SNTB1: variants seen among roughly 807,000 people sequenced by gnomAD.
SNTB1 encodes the protein beta-1-syntrophin.
A neutral mutation model predicts 48.9 loss-of-function variants in SNTB1; 36 were observed. The ratio of observed to expected loss-of-function variants is 0.74; its 90% CI spans 0.56 to 0.97. The LOEUF (loss-of-function observed/expected upper bound fraction) is 0.97. Among genes scored for constraint, SNTB1 ranks in the 50% least tolerant of loss-of-function variants. The pLI, the probability that SNTB1 is intolerant of heterozygous loss-of-function variation, is 0.00. For synonymous variants in SNTB1, 299 were observed against 294.6 expected (o/e 1.01, Z -0.15); for missense variants, 786 against 703.4 (o/e 1.12, Z -1.33).
At chr8:120,764,813 G>A (rs1248722269) in intron 1 of SNTB1, among the ~76,000 whole-genome samples, 1 of 152,078 alleles carries the variant, frequency 6.6e-6, no homozygotes, top group East Asian at 1.9e-4. Flanking sequence ...TCCCATCCAA[G>A]AAAACCATCA....
chr8:120,542,662 T>A lies in SNTB1; in HGVS notation c.1334-662A>T, dbSNP rs545804598. Among the ~76,000 whole-genome samples the A allele has an allele frequency of 9.2e-4, 139 of 151,060 alleles. 1 individual carries two copies. Among genetic ancestry groups the A allele is most frequent in the Middle Eastern group, 3.4e-3 (1 of 294 alleles). ...GAGCAAGACTCTGTCTCAAAAAAAA[T>A]TTTTTTTTAAATAAATAAAGCCACC... On this transcript the variant is annotated intron_variant, in intron 5 of 6. Coordinates refer to ENST00000517992, the MANE Select transcript of SNTB1 (RefSeq NM_021021.4).
intron 1 of SNTB1, among the ~76,000 whole-genome samples, chr8:120,750,980 GA>G (rs1819204521): frequency 6.6e-6 from 1 of 151,846 alleles, no homozygotes; most frequent in Admixed American, 6.6e-5. Flanking sequence ...TAACTATTAT[GA>G]CGTTGTCTTC....
At chr8:120,666,593 C>T (rs768685563) in intron 2 of SNTB1, among the ~76,000 whole-genome samples, 22 of 151,916 alleles carry the variant, frequency 1.4e-4, no homozygotes, top group Non-Finnish European at 2.4e-4. Context: ...ATTTCTTGCA[C>T]GTATGGTTTA....
intron 2 of SNTB1, among the ~76,000 whole-genome samples, chr8:120,649,267 C>T (rs375739104): frequency 6.6e-6 from 1 of 151,270 alleles, no homozygotes; most frequent in Non-Finnish European, 1.5e-5. Flanking sequence ...TTCCAGTTTT[C>T]CTGTTCTGTT....
chr8:120,593,860 T>C (rs1446120087), intron 3 of SNTB1, among the ~76,000 whole-genome samples: 1 of 152,174 alleles, frequency 6.6e-6, no homozygotes, highest in East Asian at 1.9e-4. Flanking sequence ...AAGGTCCTTG[T>C]CTGGAAGAGG....
At chr8:120,539,950 T>C (rs1367246749) in intron 6 of SNTB1, among the ~76,000 whole-genome samples, 2 of 152,190 alleles carry the variant, frequency 1.3e-5, no homozygotes, top group Non-Finnish European at 2.9e-5. Context: ...CTTTCTGAAA[T>C]ATAGATCTTA....
chr8:120,687,856 A>G (rs568033831), intron 2 of SNTB1, among the ~76,000 whole-genome samples: 1 of 152,344 alleles, frequency 6.6e-6, no homozygotes, highest in African/African-American at 2.4e-5. Flanking sequence ...CTATTTGGTT[A>G]ATGTGAGTCA....
rs1375504246 is a variant in SNTB1, at chr8:120,536,153, T to C, written c.*2724A>G. 1 of 152,238 alleles carries C rather than the reference T, an allele frequency of 6.6e-6. No homozygotes were observed. Among genetic ancestry groups the C allele is most frequent in the Non-Finnish European group, 1.5e-5 (1 of 68,044 alleles). The allele number at this position is 152,238 out of a possible 1,614,324, so 9.4% of individuals were successfully genotyped here. On this transcript the variant is annotated 3_prime_UTR_variant, in exon 7 of 7. Coordinates refer to ENST00000517992, the MANE Select transcript of SNTB1 (RefSeq NM_021021.4). Reference sequence around the variant, plus strand: ...AGAAAAACCAATATCTATATTCCTATTGGCCTTCTTTAAATCCCTATGAGA... The same window carrying C: ...AGAAAAACCAATATCTATATTCCTACTGGCCTTCTTTAAATCCCTATGAGA...
chr8:120,738,115 C>T (rs769707439), intron 1 of SNTB1, among the ~76,000 whole-genome samples: 1 of 152,072 alleles, frequency 6.6e-6, no homozygotes, highest in Admixed American at 6.6e-5. Flanking sequence ...GTAAAAGAGG[C>T]CTGAGAGAGA....
chr8:120,606,391 C>T lies in SNTB1; in HGVS notation c.996+26053G>A, dbSNP rs1816519285. Reference sequence around the variant, plus strand: ...TTTATGTCAGTATAAAATACTATGTCAGTGCGTGTGTGTATATATGTGTGT... The same window carrying T: ...TTTATGTCAGTATAAAATACTATGTTAGTGCGTGTGTGTATATATGTGTGT... On this transcript the variant is annotated intron_variant, in intron 3 of 6. Coordinates refer to ENST00000517992, the MANE Select transcript of SNTB1 (RefSeq NM_021021.4). 2.4e-5 allele frequency among the ~76,000 whole-genome samples: 3 copies of T among 127,266 alleles called. No homozygotes were observed. In the South Asian group the frequency reaches 7.8e-4, roughly 33 times the overall value. The allele number at this position is 127,266 out of a possible 152,430, so 83.5% of individuals were successfully genotyped here.
intron 1 of SNTB1, among the ~76,000 whole-genome samples, chr8:120,699,104 C>T (rs1818261353): frequency 6.6e-6 from 1 of 152,180 alleles, no homozygotes; most frequent in Admixed American, 6.5e-5. Flanking sequence ...TGCTCTGTAT[C>T]CCTGGTGTGC....
chr8:120,631,339 A>C (rs1272032308), intron 3 of SNTB1, among the ~76,000 whole-genome samples: 1 of 152,150 alleles, frequency 6.6e-6, no homozygotes, highest in African/African-American at 2.4e-5. Context: ...TCGTTCTTTG[A>C]AATCTTTGAG....
intron 2 of SNTB1, among the ~76,000 whole-genome samples, chr8:120,685,757 C>T (rs939904327): frequency 6.6e-6 from 1 of 152,174 alleles, no homozygotes; most frequent in Non-Finnish European, 1.5e-5. Flanking sequence ...TGTTGCATCT[C>T]TTTTGATTAT....
At chr8:120,649,606 A>G in intron 2 of SNTB1, among the ~76,000 whole-genome samples, 2 of 146,340 alleles carry the variant, frequency 1.4e-5, no homozygotes, top group Non-Finnish European at 3.0e-5. Flanking sequence ...TGCAGAGGTT[A>G]CTGCTGTCTT....
chr8:120,717,343 C>G (rs1300546059), intron 1 of SNTB1, among the ~76,000 whole-genome samples: 2 of 152,224 alleles, frequency 1.3e-5, no homozygotes, highest in Non-Finnish European at 2.9e-5. Context: ...TATATTAAGA[C>G]TCTTCTCCCA....
At chr8:120,774,487 G>C (rs146691948) in intron 1 of SNTB1, among the ~76,000 whole-genome samples, 12 of 152,182 alleles carry the variant, frequency 7.9e-5, no homozygotes, top group African/African-American at 2.9e-4. Context: ...TGTGGCATAC[G>C]GAGTGGAGGG....
At chr8:120,627,765 A>G (rs1017336026) in intron 3 of SNTB1, among the ~76,000 whole-genome samples, 3 of 152,082 alleles carry the variant, frequency 2.0e-5, no homozygotes, top group African/African-American at 7.2e-5. Flanking sequence ...ACTGCTCTAG[A>G]TGGGATTGTT....
intron 1 of SNTB1, among the ~76,000 whole-genome samples, chr8:120,792,204 C>G (rs1820047296): frequency 6.6e-6 from 1 of 151,768 alleles, no homozygotes; most frequent in Non-Finnish European, 1.5e-5. Flanking sequence ...TTTGCAGCAA[C>G]TTGGATGAGA....
At position 120,570,096 on chromosome 8, in the gene SNTB1, A is replaced by T. The variant is rs72680550; in HGVS notation, c.1136+4990T>A. ...AGGCAGAGCCTTTCTCAGTCTCCTC[A>T]TCTTACCAGGGGGTTGAAGTCCCAG... On this transcript the variant is annotated intron_variant, in intron 4 of 6. Transcript: ENST00000517992. 7.7e-3 allele frequency among the ~76,000 whole-genome samples: 1,170 copies of T among 152,094 alleles called. 18 individuals are homozygous for T. Among genetic ancestry groups the T allele is most frequent in the African/African-American group, 0.026 (1,084 of 41,464 alleles).
Sources: gnomAD v4.1 joint callset for allele counts (sites outside exome capture counted in the v4.1 genomes callset) on GRCh38, gnomAD v4.1.1 for gene constraint, MANE v1.5 for transcripts, NCBI Gene and HGNC (gene_info 2026-07-23, HGNC 2026-07-21) for gene names.